DGUOK: variants seen among roughly 807,000 people sequenced by gnomAD.
The protein encoded by DGUOK is deoxyguanosine kinase.
In DGUOK, 30 loss-of-function variants were observed where a neutral mutation model predicts 36.6. The ratio of observed to expected loss-of-function variants is 0.82; its 90% CI spans 0.61 to 1.11. DGUOK has a LOEUF of 1.11. Ranked by LOEUF, DGUOK falls within the 50% of genes most tolerant of loss-of-function variation. The pLI is 0.00. For synonymous variants in DGUOK, 145 were observed against 126.3 expected, an observed-to-expected ratio of 1.15 and a Z score of -0.99; for missense variants, 361 against 336.4, an observed-to-expected ratio of 1.07 and a Z score of -0.57.
At chr2:73,933,103 C>T (rs752025143) in intron 1 of DGUOK, among the ~76,000 whole-genome samples, 3 of 152,166 alleles carry the variant, frequency 2.0e-5, no homozygotes, top group Non-Finnish European at 4.4e-5. Context: ...AAACATAAAG[C>T]AGTAGAGGGC....
At chr2:73,930,404 GGGAA>G (rs1293059238) in intron 1 of DGUOK, among the ~76,000 whole-genome samples, 1 of 152,156 alleles carries the variant, frequency 6.6e-6, no homozygotes, top group Non-Finnish European at 1.5e-5. Context: ...TGAAAGGAAT[GGGAA>G]GGGAGAGTCC....
intron 1 of DGUOK, among the ~76,000 whole-genome samples, chr2:73,935,016 C>T (rs956185570): frequency 9.2e-5 from 14 of 152,122 alleles, no homozygotes; most frequent in Non-Finnish European, 1.6e-4. Context: ...ACAGAGGTTG[C>T]AGTGAGCCGA....
chr2:73,928,711 G>A (rs200032767), intron 1 of DGUOK, among the ~76,000 whole-genome samples: 74 of 152,310 alleles, frequency 4.9e-4, no homozygotes, highest in East Asian at 1.5e-3. Context: ...TAATCTTACC[G>A]AGATGGGTAG....
intron 1 of DGUOK, among the ~76,000 whole-genome samples, chr2:73,936,820 A>C (rs901569306): frequency 6.6e-6 from 1 of 152,206 alleles, no homozygotes; most frequent in Non-Finnish European, 1.5e-5. Flanking sequence ...GGAGAAACAC[A>C]ATGACAATTG....
At chr2:73,945,968 C>T (rs528303119) in intron 2 of DGUOK, among the ~76,000 whole-genome samples, 2 of 148,460 alleles carry the variant, frequency 1.3e-5, no homozygotes, top group South Asian at 2.2e-4. Flanking sequence ...GGGAGGAGGG[C>T]GGAGGTTGCA....
Position 73,938,600 on chromosome 2 carries a change from G to A in DGUOK, c.143-310G>A, listed in dbSNP as rs373805459. Among the ~76,000 whole-genome samples the A allele has an allele frequency of 1.4e-3, 214 of 152,328 alleles. 5 individuals are homozygous for A. In the South Asian group the frequency reaches 0.041, roughly 29 times the overall value. On this transcript the variant is annotated intron_variant, in intron 1 of 6. Transcript: ENST00000264093. ...TGACTCAAGTGATAGAACTTATGGA[G>A]CTGATTTCATCTACTTTTACATTTT...
At chr2:73,943,318 T>TA (rs151293738) in intron 2 of DGUOK, among the ~76,000 whole-genome samples, 1 of 43,218 alleles carries the variant, frequency 2.3e-5, no homozygotes, top group African/African-American at 8.3e-5. Flanking sequence ...CCCATCTACT[T>TA]AAAAATTTTT....
chr2:73,946,413 C>T (rs1335901360), intron 2 of DGUOK, among the ~76,000 whole-genome samples: 1 of 152,218 alleles, frequency 6.6e-6, no homozygotes, highest in African/African-American at 2.4e-5. Flanking sequence ...CTTCACAAAT[C>T]CCTCAATCAG....
At chr2:73,944,960 C>T (rs1347324565) in intron 2 of DGUOK, among the ~76,000 whole-genome samples, 2 of 152,122 alleles carry the variant, frequency 1.3e-5, no homozygotes, top group Admixed American at 6.5e-5. Flanking sequence ...TGTGGGCTTG[C>T]GGGGTCAGAA....
chr2:73,949,272 C>A (rs1682547451), intron 3 of DGUOK, among the ~76,000 whole-genome samples: 2 of 152,166 alleles, frequency 1.3e-5, no homozygotes, highest in African/African-American at 2.4e-5. Context: ...ATCTTAATTT[C>A]ATCTTCTAGT....
chr2:73,945,294 T>C (rs185555384), intron 2 of DGUOK, among the ~76,000 whole-genome samples: 50 of 152,328 alleles, frequency 3.3e-4, no homozygotes, highest in Admixed American at 2.9e-3. Context: ...CTTCATCACA[T>C]GTTCTGCCTT....
chr2:73,945,045 T>G (rs181581727), intron 2 of DGUOK, among the ~76,000 whole-genome samples: 1 of 152,382 alleles, frequency 6.6e-6, no homozygotes, highest in Non-Finnish European at 1.5e-5. Flanking sequence ...TTGTTTCTGC[T>G]GAAGCCTTTC....
At chr2:73,951,266 G>A (rs1180537879) in intron 4 of DGUOK, among the ~76,000 whole-genome samples, 1 of 152,132 alleles carries the variant, frequency 6.6e-6, no homozygotes, top group African/African-American at 2.4e-5. Flanking sequence ...ACATGAAGTA[G>A]GATGATGTCA....
At chr2:73,932,530 T>G in intron 1 of DGUOK, 1 of 937,760 alleles carries the variant, frequency 1.1e-6, no homozygotes, top group Non-Finnish European at 1.5e-6. Flanking sequence ...AGTTAGGCAT[T>G]GGTACCCACA....
At chr2:73,927,598 A>G (rs1216426816) in intron 1 of DGUOK, among the ~76,000 whole-genome samples, 1 of 152,228 alleles carries the variant, frequency 6.6e-6, no homozygotes, top group African/African-American at 2.4e-5. Flanking sequence ...TCGTTCAAAT[A>G]CCACATTCAC....
At chr2:73,946,595 G>A in intron 2 of DGUOK, 124 bp from the exon 3 acceptor site, 1 of 905,972 alleles carries the variant, frequency 1.1e-6, no homozygotes, top group Non-Finnish European at 1.7e-6. Flanking sequence ...GGAAACTTTT[G>A]TAATTTCTTC....
intron 2 of DGUOK, among the ~76,000 whole-genome samples, chr2:73,946,190 A>G (rs1682292866): frequency 6.6e-6 from 1 of 152,246 alleles, no homozygotes; most frequent in Non-Finnish European, 1.5e-5. Flanking sequence ...TTAACAAACA[A>G]ATTGTACTCC....
At chr2:73,932,735 C>CCTG in intron 1 of DGUOK, 1 of 1,032,140 alleles carries the variant, frequency 9.7e-7, no homozygotes, top group Non-Finnish European at 1.3e-6. Flanking sequence ...TCCTATTATT[C>CCTG]TGATCCTGAA....
intron 1 of DGUOK, among the ~76,000 whole-genome samples, chr2:73,931,863 A>T (rs1681064299): frequency 6.6e-6 from 1 of 152,160 alleles, no homozygotes; most frequent in Non-Finnish European, 1.5e-5. Flanking sequence ...GAAATGACAG[A>T]GAAGTGACGG....
Sources: gnomAD v4.1 joint callset for allele counts (sites outside exome capture counted in the v4.1 genomes callset) on GRCh38, gnomAD v4.1.1 for gene constraint, MANE v1.5 for transcripts, NCBI Gene and HGNC (gene_info 2026-07-23, HGNC 2026-07-21) for gene names.